The following TEKT5 variants were observed in gnomAD, a reference collection of about 807,000 sequenced individuals.
The protein encoded by TEKT5 is tektin-5.
A neutral mutation model predicts 48.7 loss-of-function variants in TEKT5; 52 were observed. The ratio of observed to expected loss-of-function variants is 1.07; its 90% CI spans 0.86 to 1.35. TEKT5 has a LOEUF of 1.35. Among genes scored for constraint, TEKT5 ranks in the 40% most tolerant of loss-of-function variants. The pLI, the probability that TEKT5 is intolerant of heterozygous loss-of-function variation, is 0.00. For missense variants in TEKT5, 831 were observed against 641.6 expected, an observed-to-expected ratio of 1.30 and a Z score of -3.19; for synonymous variants, 318 against 267.6, an observed-to-expected ratio of 1.19 and a Z score of -1.84.
In TEKT5 at chr16:10,694,796, A is replaced by G; in HGVS notation, c.78T>C (p.Ala26=). 1 of 1,612,844 alleles carries G rather than the reference A, an allele frequency of 6.2e-7. No homozygotes were observed. Among genetic ancestry groups the G allele is most frequent in the Non-Finnish European group, 8.5e-7 (1 of 1,179,386 alleles). The part of the protein sequence containing the change: ...KKCCGLTSLP[A]VQAPVIQECY... ...ATTCCTGGATCACTGGCGCCTGTAC[A>G]GCTGGCAGTGAGGTCAAGCCACAGC... The change falls in exon 1 of 7, where the codon GCT becomes GCC. Residue 26 remains alanine (A), a synonymous_variant. Coordinates refer to ENST00000283025, the MANE Select transcript of TEKT5 (RefSeq NM_144674.2).
At chr16:10,638,118 T>C (rs1315384215) in intron 5 of TEKT5, among the ~76,000 whole-genome samples, 2 of 152,206 alleles carry the variant, frequency 1.3e-5, no homozygotes, top group Admixed American at 1.3e-4. Flanking sequence ...GGTGGGAGTC[T>C]TTTATATGAT....
chr16:10,687,344 C>T (rs1301856343), intron 3 of TEKT5, among the ~76,000 whole-genome samples: 1 of 152,102 alleles, frequency 6.6e-6, no homozygotes, highest in Non-Finnish European at 1.5e-5. Context: ...CCACTTTTGT[C>T]AATTAAAAAT....
chr16:10,680,428 T>C (rs9939594), intron 4 of TEKT5, among the ~76,000 whole-genome samples: 30,323 of 151,266 alleles, frequency 0.2, 4,007 homozygotes, highest in East Asian at 0.54. Flanking sequence ...CATACCAACA[T>C]GTGCCAAGCA....
chr16:10,638,218 T>C (rs1358424738), intron 5 of TEKT5, among the ~76,000 whole-genome samples: 3 of 152,202 alleles, frequency 2.0e-5, no homozygotes, highest in African/African-American at 7.2e-5. Context: ...AGCCTATGCA[T>C]TTATTCCAGA....
chr16:10,679,290 C>G (rs1898703238), intron 4 of TEKT5, among the ~76,000 whole-genome samples: 1 of 152,214 alleles, frequency 6.6e-6, no homozygotes, highest in Non-Finnish European at 1.5e-5. Context: ...AACCCTGTCT[C>G]TACTAAAAAT....
intron 5 of TEKT5, among the ~76,000 whole-genome samples, chr16:10,637,825 T>C (rs567280148): frequency 1.3e-5 from 2 of 152,368 alleles, no homozygotes; most frequent in African/African-American, 4.8e-5. Context: ...TATTTCATTT[T>C]TTTGAGACAG....
intron 1 of TEKT5, chr16:10,690,494 C>T: frequency 2.3e-6 from 2 of 880,202 alleles, no homozygotes; most frequent in Non-Finnish European, 2.7e-6. Flanking sequence ...GTTTCCTCCT[C>T]TGCAGATGGG....
chr16:10,630,537 T>C (rs1897824407), intron 6 of TEKT5, among the ~76,000 whole-genome samples: 1 of 152,156 alleles, frequency 6.6e-6, no homozygotes, highest in Admixed American at 6.5e-5. Flanking sequence ...AGATAAGACT[T>C]AGCTGGACAT....
chr16:10,684,141 C>T (rs982525446), intron 3 of TEKT5, among the ~76,000 whole-genome samples: 1 of 152,126 alleles, frequency 6.6e-6, no homozygotes, highest in African/African-American at 2.4e-5. Context: ...GACACATAAG[C>T]AGCAGCTGAA....
Position 10,627,714 on chromosome 16 carries a change from G to C in TEKT5, c.1327C>G (p.Leu443Val), listed in dbSNP as rs773305329. 16 of 1,614,060 alleles carry C rather than the reference G, an allele frequency of 9.9e-6. No individual in the cohort carries two copies. Among genetic ancestry groups the C allele is most frequent in the Non-Finnish European group, 1.4e-5 (16 of 1,180,028 alleles). The change falls in exon 7 of 7, where the codon CTG (leucine) becomes GTG (valine). Residue 443 changes from leucine to valine, a missense_variant. Physicochemically the swap from Leu to Val is conservative, Grantham distance 32 (BLOSUM62 1). Transcript: ENST00000283025. Reference sequence around the variant, plus strand: ...TCCAGCCGGCACTTGGTCATGACCAGCAGCTGCAGCGTGTCCTGTGTCTCC... The same window carrying C: ...TCCAGCCGGCACTTGGTCATGACCACCAGCTGCAGCGTGTCCTGTGTCTCC... The part of the protein sequence containing the change: ...LRETQDTLQL[L>V]VMTKCRLEHE...
intron 5 of TEKT5, among the ~76,000 whole-genome samples, chr16:10,649,112 G>C (rs1430567459): frequency 7.0e-6 from 1 of 142,652 alleles, no homozygotes; most frequent in Non-Finnish European, 1.5e-5. Context: ...ACCATACCTG[G>C]CTATTTATTT....
intron 5 of TEKT5, among the ~76,000 whole-genome samples, chr16:10,648,022 C>T (rs1408827506): frequency 6.6e-6 from 1 of 152,238 alleles, no homozygotes; most frequent in Non-Finnish European, 1.5e-5. Context: ...GACAAATGGT[C>T]ACTGTCAGCA....
chr16:10,661,580 A>G (rs1898371377), intron 5 of TEKT5, among the ~76,000 whole-genome samples: 2 of 152,234 alleles, frequency 1.3e-5, no homozygotes. Flanking sequence ...GAGAGACAGG[A>G]GGACTCACAC....
At chr16:10,664,636 G>A (rs773339930) in intron 5 of TEKT5, among the ~76,000 whole-genome samples, 2 of 152,242 alleles carry the variant, frequency 1.3e-5, no homozygotes, top group African/African-American at 2.4e-5. Flanking sequence ...CAATTCCAAT[G>A]TGGCACTAAG....
intron 5 of TEKT5, among the ~76,000 whole-genome samples, chr16:10,644,156 C>T (rs1033920980): frequency 1.3e-5 from 2 of 152,216 alleles, no homozygotes; most frequent in African/African-American, 4.8e-5. Flanking sequence ...ATGGATGGCA[C>T]TAGTCGAGAC....
intron 5 of TEKT5, among the ~76,000 whole-genome samples, chr16:10,649,806 C>T (rs930573267): frequency 1.3e-5 from 2 of 152,102 alleles, no homozygotes; most frequent in Admixed American, 6.5e-5. Flanking sequence ...AGGTGGCACA[C>T]GAATATGGTA....
At chr16:10,685,402 C>T (rs745491629) in intron 3 of TEKT5, among the ~76,000 whole-genome samples, 4 of 152,108 alleles carry the variant, frequency 2.6e-5, no homozygotes, top group African/African-American at 7.2e-5. Context: ...TGGGTTCAAG[C>T]GATTCTCCTG....
intron 5 of TEKT5, among the ~76,000 whole-genome samples, chr16:10,649,179 C>G (rs1228314276): frequency 1.3e-5 from 2 of 152,126 alleles, no homozygotes; most frequent in Admixed American, 6.6e-5. Context: ...AGTGCAGTGG[C>G]ACTATCATAT....
intron 5 of TEKT5, among the ~76,000 whole-genome samples, chr16:10,661,753 A>C (rs575207520): frequency 3.3e-5 from 5 of 152,220 alleles, no homozygotes; most frequent in Non-Finnish European, 7.3e-5. Context: ...AACCTTCTAG[A>C]AGAGAGGTTG....
Sources: allele counts gnomAD v4.1 joint callset (sites outside exome capture counted in the v4.1 genomes callset), GRCh38; gene constraint gnomAD v4.1.1; transcripts MANE v1.5; gene names NCBI Gene and HGNC (gene_info 2026-07-23, HGNC 2026-07-21).